The following NOVA1 variants were observed in gnomAD, a reference collection of about 807,000 sequenced individuals.
The protein encoded by NOVA1 is RNA-binding protein Nova-1.
In NOVA1, 7 loss-of-function variants were observed where a neutral mutation model predicts 38.0. The ratio of observed to expected loss-of-function variants is 0.18; its 90% CI spans 0.10 to 0.35. The LOEUF is 0.35. NOVA1 is among the 10% of genes least tolerant of loss of function. NOVA1 has a pLI of 1.00. For synonymous variants in NOVA1, 270 were observed against 232.5 expected, an observed-to-expected ratio of 1.16 and a Z score of -1.47; for missense variants, 460 against 616.0, an observed-to-expected ratio of 0.75 and a Z score of 2.68.
Position 26,532,116 on chromosome 14 carries a change from A to G in NOVA1, c.281-51973T>C, listed in dbSNP as rs147731556. 7.0e-4 allele frequency among the ~76,000 whole-genome samples: 106 copies of G among 152,350 alleles called. 1 individual carries two copies. The highest frequency in any genetic ancestry group is 2.4e-3 in the African/African-American group (99 of 41,596). ...GAAATAGTGGCAGGAATGTAAAATG[A>G]CACAACCCCTCCTGGTGGTTTTTCA... On this transcript the variant is annotated intron_variant, in intron 2 of 4. Coordinates refer to ENST00000539517, the MANE Select transcript of NOVA1 (RefSeq NM_002515.3).
At position 26,489,231 on chromosome 14, in the gene NOVA1, TAG is replaced by T. The variant is rs1168594991; in HGVS notation, c.281-9090_281-9089del. 8.5e-5 allele frequency among the ~76,000 whole-genome samples: 13 copies of T among 152,240 alleles called. No homozygotes were observed. The East Asian group carries it at 1.7e-3, about 20-fold the overall frequency. ...CTTTATGTCATATTTTTTAAAAATA[TAG>T]AGTTTATAGAATGATCCATTTTTTA... On this transcript the variant is annotated intron_variant, in intron 2 of 4. Transcript: ENST00000539517.
intron 2 of NOVA1, among the ~76,000 whole-genome samples, chr14:26,560,960 T>C (rs1007401766): frequency 2.0e-5 from 3 of 152,140 alleles, no homozygotes; most frequent in Non-Finnish European, 2.9e-5. Flanking sequence ...AATGCTCTAT[T>C]ACAGCAGAAG....
At chr14:26,470,722 T>C (rs1158680397) in intron 4 of NOVA1, among the ~76,000 whole-genome samples, 15 of 152,060 alleles carry the variant, frequency 9.9e-5, no homozygotes. Flanking sequence ...CATATAAGAA[T>C]AAATGAAAGA....
At chr14:26,462,534 T>C (rs1883770179) in intron 4 of NOVA1, among the ~76,000 whole-genome samples, 1 of 152,222 alleles carries the variant, frequency 6.6e-6, no homozygotes, top group African/African-American at 2.4e-5. Context: ...AGAATCTACA[T>C]AGGTAATTTT....
intron 2 of NOVA1, among the ~76,000 whole-genome samples, chr14:26,547,817 C>T (rs749759418): frequency 1.3e-4 from 20 of 151,984 alleles, no homozygotes; most frequent in Admixed American, 3.9e-4. Context: ...AGGTATATTA[C>T]GTGTAAACTG....
At chr14:26,495,406 C>G (rs892679252) in intron 2 of NOVA1, among the ~76,000 whole-genome samples, 1 of 152,146 alleles carries the variant, frequency 6.6e-6, no homozygotes, top group East Asian at 1.9e-4. Context: ...GTATCCCCAG[C>G]CTACTACTTA....
chr14:26,469,459 G>T (rs1884414177), intron 4 of NOVA1, among the ~76,000 whole-genome samples: 1 of 152,070 alleles, frequency 6.6e-6, no homozygotes, highest in Admixed American at 6.6e-5. Flanking sequence ...TTTTTCATTA[G>T]CACTTGACAG....
chr14:26,541,399 AG>A (rs1478044053), intron 2 of NOVA1, among the ~76,000 whole-genome samples: 1 of 151,684 alleles, frequency 6.6e-6, no homozygotes, highest in African/African-American at 2.4e-5. Flanking sequence ...CCACTAAAAG[AG>A]GGTTTCTAAA....
chr14:26,505,113 A>G (rs1164312628), intron 2 of NOVA1, among the ~76,000 whole-genome samples: 1 of 152,182 alleles, frequency 6.6e-6, no homozygotes, highest in Non-Finnish European at 1.5e-5. Context: ...GCTCAAATAT[A>G]AAAATAAACA....
At chr14:26,513,314 T>A (rs1181359173) in intron 2 of NOVA1, among the ~76,000 whole-genome samples, 2 of 152,058 alleles carry the variant, frequency 1.3e-5, no homozygotes, top group African/African-American at 4.8e-5. Flanking sequence ...AGAAAAATTA[T>A]GCAAAATTAG....
chr14:26,597,201 G>A, intron 1 of NOVA1, 100 bp downstream of exon 1: 2 of 1,087,052 alleles, frequency 1.8e-6, no homozygotes. Context: ...TCCGGGCCGC[G>A]GGAGGGAGGG....
At chr14:26,461,157 A>G (rs959229693) in intron 4 of NOVA1, among the ~76,000 whole-genome samples, 4 of 152,186 alleles carry the variant, frequency 2.6e-5, no homozygotes, top group African/African-American at 4.8e-5. Context: ...GTATGAGCCA[A>G]TACTAGACAC....
intron 2 of NOVA1, among the ~76,000 whole-genome samples, chr14:26,506,211 T>TA (rs71121882): frequency 0.93 from 142,240 of 152,250 alleles, 67,164 homozygotes; most frequent in East Asian, 1. Context: ...CCAACACTTG[T>TA]TAAACTATTC....
chr14:26,564,669 A>G (rs1892028453), intron 2 of NOVA1, among the ~76,000 whole-genome samples: 1 of 152,198 alleles, frequency 6.6e-6, no homozygotes, highest in Admixed American at 6.5e-5. Context: ...TACAAAATTC[A>G]CAGAGTTTGC....
rs757713259 is a variant in NOVA1 at position 26,448,001 on chromosome 14, A to G, written c.1482T>C (p.Tyr494=). 4.3e-6 allele frequency: 7 copies of G among 1,614,180 alleles called. No homozygotes were observed. The highest frequency in any genetic ancestry group is 3.3e-5 in the Admixed American group (2 of 60,018). Reference sequence around the variant, plus strand: ...GATTGGCAGCCCGAACTCCTTGCTCATATGTGATCCTTTGTGTAATTAAAT... The same window carrying G: ...GATTGGCAGCCCGAACTCCTTGCTCGTATGTGATCCTTTGTGTAATTAAAT... ...AQYLITQRIT[Y]EQGVRAANPQ... The change falls in exon 5 of 5, where the codon TAT becomes TAC. Residue 494 remains tyrosine, a synonymous_variant. Transcript: ENST00000539517. This position sits in a 1 kb window ranked among gnomAD's most constrained non-coding sequence, Gnocchi z 5.3.
At chr14:26,455,050 T>A (rs1217562230) in intron 4 of NOVA1, among the ~76,000 whole-genome samples, 1 of 152,176 alleles carries the variant, frequency 6.6e-6, no homozygotes, top group Non-Finnish European at 1.5e-5. Context: ...ACAACAGATT[T>A]ACATGAATAG....
chr14:26,460,949 A>C (rs1306095629), intron 4 of NOVA1, among the ~76,000 whole-genome samples: 2 of 152,158 alleles, frequency 1.3e-5, no homozygotes, highest in Admixed American at 1.3e-4. Flanking sequence ...CACACACACA[A>C]AGCAAGAAGA....
intron 2 of NOVA1, among the ~76,000 whole-genome samples, chr14:26,534,741 A>T (rs1210723806): frequency 6.6e-6 from 1 of 152,152 alleles, no homozygotes; most frequent in Non-Finnish European, 1.5e-5. Flanking sequence ...TAAATTAAGG[A>T]TCTTCTGATG....
At chr14:26,487,116 T>A (rs1885978859) in intron 2 of NOVA1, among the ~76,000 whole-genome samples, 1 of 152,154 alleles carries the variant, frequency 6.6e-6, no homozygotes, top group African/African-American at 2.4e-5. Context: ...TTTAAGATAA[T>A]GAGTCAGCAA....
Sources: allele counts gnomAD v4.1 joint callset (sites outside exome capture counted in the v4.1 genomes callset), GRCh38; gene constraint gnomAD v4.1.1; non-coding constraint Gnocchi (gnomAD v3.1); transcripts MANE v1.5; gene names NCBI Gene and HGNC (gene_info 2026-07-23, HGNC 2026-07-21).